GRIK3: variants seen among roughly 807,000 people sequenced by gnomAD.
GRIK3 encodes the protein glutamate ionotropic receptor kainate type subunit 3, also known as glutamate receptor ionotropic, kainate 3.
In GRIK3, 29 loss-of-function variants were observed where a neutral mutation model predicts 102.5. That is an observed-to-expected ratio of 0.28 (90% confidence interval 0.21 to 0.39). The LOEUF (loss-of-function observed/expected upper bound fraction) is 0.39, where lower values mean the gene tolerates loss of function less well. Among genes scored for constraint, GRIK3 ranks in the 10% least tolerant of loss-of-function variants. The pLI is 1.00. For synonymous variants in GRIK3, 511 were observed against 504.9 expected (o/e 1.01, Z -0.16); for missense variants, 908 against 1,252.4 (o/e 0.73, Z 4.15).
chr1:36,814,314 T>C (rs1352914933), intron 13 of GRIK3, among the ~76,000 whole-genome samples: 2 of 152,144 alleles, frequency 1.3e-5, no homozygotes, highest in African/African-American at 2.4e-5. Context: ...TAGAGATGGG[T>C]TCATGCGTTA....
intron 1 of GRIK3, among the ~76,000 whole-genome samples, chr1:36,948,824 G>A (rs1641811893): frequency 6.6e-6 from 1 of 152,136 alleles, no homozygotes; most frequent in South Asian, 2.1e-4. Context: ...CCCGCCAGGT[G>A]GACAGGCAGG....
At chr1:36,989,053 G>A (rs1332246036) in intron 1 of GRIK3, among the ~76,000 whole-genome samples, 2 of 151,954 alleles carry the variant, frequency 1.3e-5, no homozygotes, top group African/African-American at 2.4e-5. Flanking sequence ...TCACACTCAC[G>A]TGATGCTCAG....
chr1:37,007,810 G>A (rs556126061), intron 1 of GRIK3, among the ~76,000 whole-genome samples: 2 of 152,352 alleles, frequency 1.3e-5, no homozygotes, highest in African/African-American at 4.8e-5. Flanking sequence ...AGAAGCCATA[G>A]AAGGGTTATG....
At chr1:36,875,702 A>G (rs1447657476) in intron 3 of GRIK3, among the ~76,000 whole-genome samples, 1 of 152,244 alleles carries the variant, frequency 6.6e-6, no homozygotes, top group Admixed American at 6.5e-5. Flanking sequence ...CAAGCAGGTG[A>G]GTGATCCAGG....
intron 1 of GRIK3, among the ~76,000 whole-genome samples, chr1:36,894,466 T>C (rs1254489665): frequency 6.6e-6 from 1 of 152,250 alleles, no homozygotes; most frequent in Non-Finnish European, 1.5e-5. Context: ...TTCCAGTCTC[T>C]GGTCTGGCAT....
At chr1:36,802,458 G>T (rs1161547286) in intron 15 of GRIK3, among the ~76,000 whole-genome samples, 1 of 152,154 alleles carries the variant, frequency 6.6e-6, no homozygotes, top group Non-Finnish European at 1.5e-5. Flanking sequence ...CCAGGGTCAG[G>T]ACTGAAGAAA....
rs1641107952 is a variant in GRIK3 at position 36,890,998 on chromosome 1, T to C, written c.214A>G (p.Thr72Ala). Residue 72 changes from threonine to alanine, a missense_variant, in exon 2 of 16, where the codon ACT (threonine) becomes GCT (alanine). Around this residue, in one of 3 missense-constraint regions of GRIK3, gnomAD observed 585 missense variants for 824.9 expected, o/e 0.71. Transcript: ENST00000373091. ...FSANIINRNR[T>A]LLPNTTLTYD... is the part of the protein sequence containing the mutation. Reference sequence around the variant, plus strand: ...GTCAAGGTTGTGTTGGGCAGCAGAGTCCTGTTCCTGTTGATGATGTTGGCA... The same window carrying C: ...GTCAAGGTTGTGTTGGGCAGCAGAGCCCTGTTCCTGTTGATGATGTTGGCA... 6.2e-7 allele frequency: 1 copy of C among 1,613,760 alleles called. No individual in the cohort carries two copies. Among genetic ancestry groups the C allele is most frequent in the Non-Finnish European group, 8.5e-7 (1 of 1,179,818 alleles).
At chr1:36,886,781 G>A (rs538426039) in intron 2 of GRIK3, among the ~76,000 whole-genome samples, 23 of 152,308 alleles carry the variant, frequency 1.5e-4, no homozygotes, top group African/African-American at 4.6e-4. Flanking sequence ...GCTACAGAGC[G>A]TTTCCAACAC....
In GRIK3 at chr1:36,925,234, A is replaced by T. The variant is rs948206010; in HGVS notation, c.116-34138T>A. The stretch of plus-strand genomic sequence containing the variant: ...GGCAAACTTGAACTCACACATGTGA[A>T]TATTCACAGAAACATACCGGAATAC... On this transcript the variant is annotated intron_variant, in intron 1 of 15. Coordinates refer to ENST00000373091, the MANE Select transcript of GRIK3 (RefSeq NM_000831.4). 3.3e-5 allele frequency among the ~76,000 whole-genome samples: 5 copies of T among 152,346 alleles called. No individual in the cohort carries two copies. In the East Asian group the frequency reaches 9.6e-4, roughly 29 times the overall value.
chr1:36,963,508 T>A (rs916717887), intron 1 of GRIK3, among the ~76,000 whole-genome samples: 1 of 152,174 alleles, frequency 6.6e-6, no homozygotes, highest in Non-Finnish European at 1.5e-5. Flanking sequence ...ATTATCTCAC[T>A]GAGTCCTCAC....
intron 1 of GRIK3, among the ~76,000 whole-genome samples, chr1:36,903,721 G>A (rs1641255503): frequency 6.6e-6 from 1 of 152,202 alleles, no homozygotes; most frequent in South Asian, 2.1e-4. Flanking sequence ...ATGTGAAAAG[G>A]CTACAGACTA....
chr1:37,006,630 G>A (rs540610539), intron 1 of GRIK3, among the ~76,000 whole-genome samples: 6 of 152,352 alleles, frequency 3.9e-5, no homozygotes, highest in South Asian at 4.1e-4. Context: ...AAATCCCTCT[G>A]GACAAAGGGC....
At chr1:36,865,961 C>A (rs1405714642) in intron 5 of GRIK3, among the ~76,000 whole-genome samples, 5 of 152,192 alleles carry the variant, frequency 3.3e-5, no homozygotes, top group African/African-American at 1.2e-4. Flanking sequence ...CTCACGGTAG[C>A]CTCTAACTCC....
At chr1:36,985,354 C>T (rs1028236650) in intron 1 of GRIK3, among the ~76,000 whole-genome samples, 6 of 152,152 alleles carry the variant, frequency 3.9e-5, no homozygotes, top group African/African-American at 1.4e-4. Context: ...CTGGTCTTTC[C>T]CTGTACCTGG....
chr1:36,843,433 C>T (rs1640484330), intron 9 of GRIK3, among the ~76,000 whole-genome samples: 1 of 152,156 alleles, frequency 6.6e-6, no homozygotes, highest in South Asian at 2.1e-4. Flanking sequence ...TAACACTGTC[C>T]TTATGTGATA....
chr1:36,813,267 T>A (rs923255719), intron 13 of GRIK3, among the ~76,000 whole-genome samples: 1 of 152,204 alleles, frequency 6.6e-6, no homozygotes, highest in African/African-American at 2.4e-5. Context: ...TCCAGGGCTG[T>A]TATTGAGGAT....
intron 5 of GRIK3, among the ~76,000 whole-genome samples, chr1:36,867,281 A>C (rs760659012): frequency 1.3e-5 from 2 of 151,996 alleles, no homozygotes; most frequent in Non-Finnish European, 2.9e-5. Context: ...ACTTTCCCAG[A>C]TCCAATTGTG....
At position 37,034,409 on chromosome 1, in the gene GRIK3, G is replaced by A. The variant is rs1421924114; in HGVS notation, c.-301C>T. Among the ~76,000 whole-genome samples the A allele has an allele frequency of 3.3e-5, 5 of 150,766 alleles. No homozygotes were observed. Among genetic ancestry groups the A allele is most frequent in the Admixed American group, 3.3e-4 (5 of 15,194 alleles). ...TCCGACTCGCGTCGGCTCGGCTCCC[G>A]CGCGGGCTCCCACCTGCCCCGGCTG... On this transcript the variant is annotated 5_prime_UTR_variant, in exon 1 of 16. Transcript: ENST00000373091.
Position 36,977,948 on chromosome 1 carries a change from G to A in GRIK3, c.115+56046C>T, listed in dbSNP as rs140088696. ...AAGACCTCCCCTGCACAGCCACAGG[G>A]ACCCAATGGGGCTGCTCTCTGCACA... is the stretch of plus-strand genomic sequence containing the variant. On this transcript the variant is annotated intron_variant, in intron 1 of 15. Coordinates refer to ENST00000373091, the MANE Select transcript of GRIK3 (RefSeq NM_000831.4). 8.3e-4 allele frequency among the ~76,000 whole-genome samples: 127 copies of A among 152,334 alleles called. 1 individual carries two copies. The Middle Eastern group carries it at 0.017, about 20-fold the overall frequency.
Sources: allele counts gnomAD v4.1 joint callset (sites outside exome capture counted in the v4.1 genomes callset), GRCh38; gene constraint gnomAD v4.1.1; regional missense constraint gnomAD v4.1.1; transcripts MANE v1.5; gene names NCBI Gene and HGNC (gene_info 2026-07-23, HGNC 2026-07-21).